Variants in L3MBTL4 observed in about 807,000 individuals in gnomAD.
The protein encoded by L3MBTL4 is lethal(3)malignant brain tumor-like protein 4.
A neutral mutation model predicts 84.5 loss-of-function variants in L3MBTL4; 70 were observed. The observed-to-expected ratio is 0.83, with a 90% CI of 0.68 to 1.01. The LOEUF is 1.01. Among genes scored for constraint, L3MBTL4 ranks in the 50% least tolerant of loss-of-function variants. L3MBTL4 has a pLI of 0.00. For synonymous variants in L3MBTL4, 274 were observed against 259.8 expected, an observed-to-expected ratio of 1.05 and a Z score of -0.52; for missense variants, 715 against 754.8, an observed-to-expected ratio of 0.95 and a Z score of 0.62.
intron 1 of L3MBTL4, among the ~76,000 whole-genome samples, chr18:6,318,810 G>A (rs776321829): frequency 9.9e-5 from 15 of 152,026 alleles, no homozygotes; most frequent in South Asian, 4.2e-4. Context: ...ACACTCTACC[G>A]AAGAACTGCA....
At chr18:6,157,617 A>G (rs2043156230) in intron 13 of L3MBTL4, among the ~76,000 whole-genome samples, 1 of 152,210 alleles carries the variant, frequency 6.6e-6, no homozygotes, top group Non-Finnish European at 1.5e-5. Flanking sequence ...GAAATTGGAT[A>G]AAAATGAACT....
intron 1 of L3MBTL4, among the ~76,000 whole-genome samples, chr18:6,389,434 A>G (rs1333948969): frequency 6.6e-6 from 1 of 152,238 alleles, no homozygotes; most frequent in Non-Finnish European, 1.5e-5. Flanking sequence ...TGACTGGAAC[A>G]ATACATCACA....
chr18:5,982,547 G>A (rs1441220699), intron 16 of L3MBTL4, among the ~76,000 whole-genome samples: 2 of 152,190 alleles, frequency 1.3e-5, no homozygotes, highest in African/African-American at 4.8e-5. Flanking sequence ...TCAGAAGCCT[G>A]GGTTTCATAA....
chr18:6,005,809 G>A (rs1422282089), intron 16 of L3MBTL4, among the ~76,000 whole-genome samples: 3 of 152,116 alleles, frequency 2.0e-5, no homozygotes, highest in Admixed American at 2.0e-4. Flanking sequence ...ATGCATGCAT[G>A]TATCTTGATG....
At chr18:6,154,093 A>G (rs888410573) in intron 13 of L3MBTL4, among the ~76,000 whole-genome samples, 1 of 152,062 alleles carries the variant, frequency 6.6e-6, no homozygotes, top group African/African-American at 2.4e-5. Context: ...TTCCAATACT[A>G]TGTTGAATAG....
chr18:6,201,082 AAT>A (rs1458599184), intron 12 of L3MBTL4, among the ~76,000 whole-genome samples: 2 of 152,240 alleles, frequency 1.3e-5, no homozygotes, highest in African/African-American at 4.8e-5. Context: ...GTACTCGGGT[AAT>A]CAAGGGATAA....
At chr18:6,041,067 G>A (rs1429290412) in intron 16 of L3MBTL4, among the ~76,000 whole-genome samples, 1 of 152,196 alleles carries the variant, frequency 6.6e-6, no homozygotes, top group Non-Finnish European at 1.5e-5. Context: ...CAGGAGTCAG[G>A]GGTTGTGCTG....
chr18:6,280,449 A>C (rs1381311114), intron 4 of L3MBTL4, among the ~76,000 whole-genome samples: 2 of 152,212 alleles, frequency 1.3e-5, no homozygotes. Context: ...CTAATGACTG[A>C]AAGCCCTAAA....
intron 4 of L3MBTL4, among the ~76,000 whole-genome samples, chr18:6,267,320 C>T (rs962263141): frequency 2.0e-5 from 3 of 152,154 alleles, no homozygotes; most frequent in African/African-American, 4.8e-5. Context: ...GAATTGTCAT[C>T]GATGGATTTT....
intron 16 of L3MBTL4, among the ~76,000 whole-genome samples, chr18:5,984,898 TC>T (rs200792289): frequency 0.016 from 2,393 of 152,314 alleles, 54 homozygotes; most frequent in Admixed American, 0.067. Flanking sequence ...ATTGGTCAAT[TC>T]TTGGTAAGGA....
chr18:6,148,142 T>C (rs2042732438), intron 13 of L3MBTL4, among the ~76,000 whole-genome samples: 1 of 152,218 alleles, frequency 6.6e-6, no homozygotes, highest in Admixed American at 6.5e-5. Flanking sequence ...GTTTTACTGA[T>C]ATATGGATAA....
At chr18:6,292,713 T>C (rs1327982118) in intron 4 of L3MBTL4, among the ~76,000 whole-genome samples, 1 of 152,214 alleles carries the variant, frequency 6.6e-6, no homozygotes, top group African/African-American at 2.4e-5. Flanking sequence ...GGGTCATTCT[T>C]GTCATAACCA....
At chr18:6,185,969 A>AT (rs1196171165) in intron 12 of L3MBTL4, among the ~76,000 whole-genome samples, 1 of 139,800 alleles carries the variant, frequency 7.2e-6, no homozygotes, top group African/African-American at 2.8e-5. Flanking sequence ...TCTTTATTTT[A>AT]TTTTATTTTA....
At chr18:6,126,713 T>C (rs2059707139) in intron 14 of L3MBTL4, among the ~76,000 whole-genome samples, 1 of 152,220 alleles carries the variant, frequency 6.6e-6, no homozygotes, top group Non-Finnish European at 1.5e-5. Flanking sequence ...CCTTGAAGAA[T>C]TTTATAGTAA....
chr18:6,264,135 T>C (rs1449038151), intron 4 of L3MBTL4, 97 bp from the exon 5 acceptor site: 3 of 875,452 alleles, frequency 3.4e-6, no homozygotes, highest in African/African-American at 1.7e-5. Context: ...GGCTAATTAG[T>C]TAAATTGGTA....
chr18:6,181,960 C>T (rs1046211886), intron 12 of L3MBTL4, among the ~76,000 whole-genome samples: 1 of 152,076 alleles, frequency 6.6e-6, no homozygotes, highest in African/African-American at 2.4e-5. Context: ...TAAGTAGTGC[C>T]GTGATGAACA....
rs1306056203 is a variant in L3MBTL4 at position 6,087,733 on chromosome 18, G to A, written c.1373+5622C>T. On this transcript the variant is annotated intron_variant, in intron 15 of 18. Coordinates refer to ENST00000317931, the MANE Select transcript of L3MBTL4 (RefSeq NM_001330559.2). ...GTGTGATATACACACCGCTAGAACT[G>A]GTCCAACTGCAAGACTTTAAAATCA... is the stretch of plus-strand genomic sequence containing the variant. Among the ~76,000 whole-genome samples the A allele has an allele frequency of 7.9e-5, 12 of 152,260 alleles. No individual in the cohort carries two copies. The East Asian group carries it at 2.3e-3, about 29-fold the overall frequency.
chr18:6,145,628 G>T (rs915944735), intron 13 of L3MBTL4, among the ~76,000 whole-genome samples: 15 of 151,714 alleles, frequency 9.9e-5, no homozygotes, highest in Non-Finnish European at 1.9e-4. Flanking sequence ...TTAGCATTGG[G>T]TGATAATATC....
intron 10 of L3MBTL4, among the ~76,000 whole-genome samples, chr18:6,236,456 C>A (rs944293057): frequency 2.0e-5 from 3 of 152,126 alleles, no homozygotes; most frequent in Non-Finnish European, 2.9e-5. Context: ...TTTTTCTAGG[C>A]TCACACAACG....
Sources: gnomAD v4.1 joint callset for allele counts (sites outside exome capture counted in the v4.1 genomes callset) on GRCh38, gnomAD v4.1.1 for gene constraint, MANE v1.5 for transcripts, NCBI Gene and HGNC (gene_info 2026-07-23, HGNC 2026-07-21) for gene names.